Variants in ADAP1 observed in about 807,000 individuals in gnomAD.
ADAP1 encodes ArfGAP with dual PH domains 1, also known as arf-GAP with dual PH domain-containing protein 1.
In ADAP1, 31 loss-of-function variants were observed where a neutral mutation model predicts 54.9. That is an observed-to-expected ratio of 0.56 (90% CI 0.42 to 0.76). The LOEUF (loss-of-function observed/expected upper bound fraction) is 0.76, where lower values mean the gene tolerates loss of function less well. Among genes scored for constraint, ADAP1 ranks in the 30% least tolerant of loss-of-function variants. The pLI, the probability that ADAP1 is intolerant of heterozygous loss-of-function variation, is 0.00. For missense variants in ADAP1, 535 were observed against 512.4 expected (o/e 1.04, Z -0.42); for synonymous variants, 313 against 202.6 (o/e 1.55, Z -4.63).
At chr7:909,166 A>G (rs1292167172) in intron 4 of ADAP1, among the ~76,000 whole-genome samples, 5 of 139,506 alleles carry the variant, frequency 3.6e-5, no homozygotes, top group Admixed American at 2.1e-4. Flanking sequence ...GGTCCTCCCG[A>G]CAGCAGGCGC....
intron 8 of ADAP1, 100 bp from the exon 9 acceptor site, chr7:899,590 G>A (rs950629479): frequency 9.8e-5 from 134 of 1,367,752 alleles, no homozygotes; most frequent in Admixed American, 2.8e-4. Context: ...AGACTGGCCC[G>A]GGTCAGTCAC....
chr7:937,096 C>T (rs1007249262), intron 1 of ADAP1, among the ~76,000 whole-genome samples: 17 of 110,712 alleles, frequency 1.5e-4, no homozygotes, highest in Non-Finnish European at 2.5e-4. Flanking sequence ...GGGGTCACGC[C>T]GGGCCTCGGA....
In ADAP1 at chr7:898,822, G is replaced by A. The variant is rs1215002343; in HGVS notation, c.*99C>T. The A allele has an allele frequency of 1.3e-6, 2 of 1,503,468 alleles. No homozygotes were observed. Among genetic ancestry groups the A allele is most frequent in the South Asian group, 1.2e-5 (1 of 83,054 alleles). The allele number at this position is 1,503,468 out of a possible 1,614,324, so 93.1% of individuals were successfully genotyped here. On this transcript the variant is annotated 3_prime_UTR_variant, in exon 11 of 11. Transcript: ENST00000265846. ...CGCCGGGCTGCCCTGAGGAGCAGGT[G>A]GGGCCAGGTGGCCTCAGGACGCCAG...
intron 6 of ADAP1, 82 bp from the exon 7 acceptor site, chr7:900,698 AG>A (rs1844757494): frequency 6.6e-6 from 8 of 1,214,762 alleles, no homozygotes; most frequent in Non-Finnish European, 9.4e-6. Context: ...GTCCCCACAG[AG>A]GGGCCGCTTC....
chr7:900,024 C>T (rs933582151), intron 8 of ADAP1, 78 bp downstream of exon 8: 29 of 1,542,188 alleles, frequency 1.9e-5, no homozygotes, highest in African/African-American at 2.7e-5. Context: ...CGGCAGCTGG[C>T]AAGGCTGCTG....
chr7:922,412 C>A (rs1846222879), intron 3 of ADAP1, among the ~76,000 whole-genome samples: 1 of 152,164 alleles, frequency 6.6e-6, no homozygotes, highest in Non-Finnish European at 1.5e-5. Context: ...CGACTGCCTC[C>A]CCTAGGTGTG....
chr7:907,735 G>A (rs961666215), intron 4 of ADAP1, among the ~76,000 whole-genome samples: 3 of 152,186 alleles, frequency 2.0e-5, no homozygotes, highest in East Asian at 1.9e-4. Flanking sequence ...TCCGTGTCCT[G>A]GGCTCCGTCT....
At chr7:955,402 G>C (rs2128114431), upstream of ADAP1, 1 of 1,549,818 alleles carries the variant, frequency 6.5e-7, no homozygotes, top group Non-Finnish European at 8.7e-7. Context: ...AAACAAACTG[G>C]AACATACCAG....
chr7:901,521 C>T (rs962274545), intron 6 of ADAP1: 3 of 158,352 alleles, frequency 1.9e-5, no homozygotes, highest in Non-Finnish European at 4.2e-5. Context: ...AATCCAGTCA[C>T]GGCTTCTCCA....
rs569255688 is a variant in ADAP1 at position 922,825 on chromosome 7, C to T, written c.306-2775G>A. 3.0e-4 allele frequency among the ~76,000 whole-genome samples: 45 copies of T among 148,768 alleles called. No individual in the cohort carries two copies. In the South Asian group the frequency reaches 9.5e-3, roughly 32 times the overall value. ...ACGCCCCCGCCCACACCCCCGCCCA[C>T]GCACCTGCCTCTCAGCAACACCCCC... is the stretch of plus-strand genomic sequence containing the variant. On this transcript the variant is annotated intron_variant, in intron 3 of 10. Coordinates refer to ENST00000265846, the MANE Select transcript of ADAP1 (RefSeq NM_006869.4).
chr7:905,304 G>A lies in ADAP1; in HGVS notation c.389-132C>T, dbSNP rs979733623. 11 of 502,106 alleles carry A rather than the reference G, an allele frequency of 2.2e-5. 2 individuals carry two copies. Among genetic ancestry groups the A allele is most frequent in the African/African-American group, 7.4e-5 (3 of 40,458 alleles). The allele number at this position is 502,106 out of a possible 1,614,324, so 31.1% of individuals were successfully genotyped here. A position where few individuals can be genotyped will look rare whatever the true frequency, so the allele number is the denominator to read the frequency against. The stretch of plus-strand genomic sequence containing the variant: ...CACGGACGGGGGACACGGACAGGGG[G>A]AGACGGACGGGGAGAGGGGACATGG... On this transcript the variant is annotated intron_variant, in intron 4 of 10. Coordinates refer to ENST00000265846, the MANE Select transcript of ADAP1 (RefSeq NM_006869.4).
chr7:949,600 C>A (rs957277889), intron 1 of ADAP1, among the ~76,000 whole-genome samples: 1 of 152,238 alleles, frequency 6.6e-6, no homozygotes, highest in Admixed American at 6.5e-5. Context: ...GCCGGTGCAG[C>A]GGCCCAAGGA....
rs959270961 is a variant in ADAP1 at position 898,808 on chromosome 7, C to T, written c.*113G>A. On this transcript the variant is annotated 3_prime_UTR_variant, in exon 11 of 11. Coordinates refer to ENST00000265846, the MANE Select transcript of ADAP1 (RefSeq NM_006869.4). ...GCCCTACCTGGCCGCGCCGGGCTGC[C>T]CTGAGGAGCAGGTGGGGCCAGGTGG... 6.9e-7 allele frequency: 1 copy of T among 1,456,488 alleles called. No homozygotes were observed. Among genetic ancestry groups the T allele is most frequent in the Non-Finnish European group, 9.3e-7 (1 of 1,072,942 alleles). The allele number at this position is 1,456,488 out of a possible 1,614,324, so 90.2% of individuals were successfully genotyped here.
At chr7:905,527 A>C (rs1423840590) in intron 4 of ADAP1, 1 of 47,970 alleles carries the variant, frequency 2.1e-5, no homozygotes, top group Admixed American at 1.8e-4. Context: ...GAGAAGGGAG[A>C]AGGGAGAAGG....
intron 2 of ADAP1, among the ~76,000 whole-genome samples, chr7:929,514 C>CA (rs71020548): frequency 0.18 from 15,805 of 88,742 alleles, 1,335 homozygotes; most frequent in South Asian, 0.26. Context: ...CACCCTGTCT[C>CA]AAAAAAAAAA....
intron 1 of ADAP1, among the ~76,000 whole-genome samples, chr7:936,990 G>T (rs2128109213): frequency 6.6e-6 from 1 of 152,346 alleles, no homozygotes; most frequent in African/African-American, 2.4e-5. Flanking sequence ...CTGCCAGGAG[G>T]AGAGGCACCC....
chr7:927,553 C>T lies in ADAP1; in HGVS notation c.214-909G>A, dbSNP rs549584246. 56 of 467,116 alleles carry T rather than the reference C, an allele frequency of 1.2e-4. No individual in the cohort carries two copies. In the East Asian group the frequency reaches 3.3e-3, roughly 27 times the overall value. The allele number at this position is 467,116 out of a possible 1,614,324, so 28.9% of individuals were successfully genotyped here. ...GAAGTCCCCTGACATCACCCTGCTC[C>T]GAGGATCACATGGCAGTAAACAGGG... On this transcript the variant is annotated intron_variant, in intron 2 of 10. Coordinates refer to ENST00000265846, the MANE Select transcript of ADAP1 (RefSeq NM_006869.4).
intron 1 of ADAP1, among the ~76,000 whole-genome samples, chr7:939,866 G>T (rs1038775743): frequency 1.3e-5 from 2 of 151,664 alleles, no homozygotes; most frequent in African/African-American, 4.8e-5. Flanking sequence ...TGTCTGCTTA[G>T]AGGGAAAAAT....
At chr7:923,773 C>T (rs1194539333) in intron 3 of ADAP1, among the ~76,000 whole-genome samples, 2 of 152,158 alleles carry the variant, frequency 1.3e-5, no homozygotes, top group Non-Finnish European at 2.9e-5. Flanking sequence ...TTAGCTCCTG[C>T]GAAGACGCCA....
Sources: gnomAD v4.1 joint callset for allele counts (sites outside exome capture counted in the v4.1 genomes callset) on GRCh38, gnomAD v4.1.1 for gene constraint, MANE v1.5 for transcripts, NCBI Gene and HGNC (gene_info 2026-07-23, HGNC 2026-07-21) for gene names.